Variants in ANXA7 observed in about 807,000 individuals in gnomAD.
ANXA7 encodes the protein annexin A7.
In ANXA7, 55 loss-of-function variants were observed where a neutral mutation model predicts 64.9. That is an observed-to-expected ratio of 0.85 (90% CI 0.68 to 1.06). The LOEUF (loss-of-function observed/expected upper bound fraction) is 1.06, where lower values mean the gene tolerates loss of function less well. Ranked by LOEUF, ANXA7 falls within the 50% of genes least tolerant of loss-of-function variation. The pLI is 0.00. For synonymous variants in ANXA7, 200 were observed against 192.4 expected, an observed-to-expected ratio of 1.04 and a Z score of -0.33; for missense variants, 548 against 582.1, an observed-to-expected ratio of 0.94 and a Z score of 0.60.
intron 5 of ANXA7, among the ~76,000 whole-genome samples, chr10:73,392,316 T>C (rs962889778): frequency 5.9e-5 from 9 of 152,004 alleles, no homozygotes; most frequent in Admixed American, 4.6e-4. Flanking sequence ...TTCCAATCAA[T>C]AGAAAGAGGC....
intron 2 of ANXA7, among the ~76,000 whole-genome samples, chr10:73,399,685 G>A (rs574266718): frequency 2.0e-5 from 3 of 152,112 alleles, no homozygotes; most frequent in South Asian, 4.1e-4. Flanking sequence ...GCTGGGCGTG[G>A]TGGCACGTAC....
Position 73,383,562 on chromosome 10 carries a change from G to A in ANXA7, c.747+15C>T. ...ATAGGACAAAATATTCATAATAAATGACATATAGTAGTACCTGCATTGCTT... is the reference window on the plus strand; with the variant it reads ...ATAGGACAAAATATTCATAATAAATAACATATAGTAGTACCTGCATTGCTT... On this transcript the variant is annotated intron_variant, in intron 8 of 12. Coordinates refer to ENST00000372921, the MANE Select transcript of ANXA7 (RefSeq NM_001156.5). 6.4e-7 allele frequency: 1 copy of A among 1,552,672 alleles called. No individual in the cohort carries two copies.
At chr10:73,410,719 T>C (rs2055825448) in intron 1 of ANXA7, among the ~76,000 whole-genome samples, 1 of 148,920 alleles carries the variant, frequency 6.7e-6, no homozygotes, top group Non-Finnish European at 1.5e-5. Context: ...GAGGCGGAGG[T>C]TGGGGTGAGC....
Position 73,397,229 on chromosome 10 carries a change from A to T in ANXA7, c.305T>A (p.Phe102Tyr). The T allele has an allele frequency of 6.2e-7, 1 of 1,612,744 alleles. No individual in the cohort carries two copies. The highest frequency in any genetic ancestry group is 2.2e-5 in the East Asian group (1 of 44,854). Residue 102 changes from phenylalanine (F) to tyrosine (Y), a missense_variant, in exon 4 of 13, where the codon TTT becomes TAT. Coordinates refer to ENST00000372921, the MANE Select transcript of ANXA7 (RefSeq NM_001156.5). ...GFGVPPGGAG[F>Y]SGYPQPPSQS... ...TGAAGGTGGCTGTGGATACCCAGAA[A>T]AGCCTGCTCCACCTGGTGGGACTCC...
chr10:73,406,156 A>T (rs920535919), intron 1 of ANXA7, among the ~76,000 whole-genome samples: 22 of 152,046 alleles, frequency 1.4e-4, no homozygotes, highest in Admixed American at 1.4e-3. Context: ...GGGTTTCGTC[A>T]TGTTGGCCAG....
intron 1 of ANXA7, among the ~76,000 whole-genome samples, chr10:73,407,656 C>G (rs1284802387): frequency 6.6e-6 from 1 of 152,228 alleles, no homozygotes; most frequent in African/African-American, 2.4e-5. Flanking sequence ...AAACCCAACT[C>G]AAGTCAACAT....
At chr10:73,407,402 C>A (rs1355923007) in intron 1 of ANXA7, among the ~76,000 whole-genome samples, 1 of 152,014 alleles carries the variant, frequency 6.6e-6, no homozygotes, top group Non-Finnish European at 1.5e-5. Context: ...TATATGAATC[C>A]CTAGGGATCG....
rs558758906 is a variant in ANXA7 at position 73,408,449 on chromosome 10, T to C, written c.-2+5563A>G. ...AAATTAATAGTAATTTGAAAGGCAA[T>C]ATGCAGTTACAGTACCAAAGACATC... On this transcript the variant is annotated intron_variant, in intron 1 of 12. Coordinates refer to ENST00000372921, the MANE Select transcript of ANXA7 (RefSeq NM_001156.5). The C allele has an allele frequency of 4.6e-5, 7 of 151,896 alleles. No homozygotes were observed. In the East Asian group the frequency reaches 5.8e-4, roughly 13 times the overall value. The allele number at this position is 151,896 out of a possible 1,614,324, so 9.4% of individuals were successfully genotyped here.
rs1564526498 is a variant in ANXA7, at chr10:73,390,721, A to ATAT, written c.436-2308_436-2307insATA. 5.9e-4 allele frequency among the ~76,000 whole-genome samples: 64 copies of ATAT among 107,724 alleles called. No individual in the cohort carries two copies. In the East Asian group the frequency reaches 7.5e-3, roughly 13 times the overall value. 70.7% of individuals were successfully genotyped at this position (107,724 alleles called of 152,430 possible). On this transcript the variant is annotated intron_variant, in intron 5 of 12. Coordinates refer to ENST00000372921, the MANE Select transcript of ANXA7 (RefSeq NM_001156.5). ...ATATATATATATATATATATATATA[A>ATAT]AAATATATATATACACACACACACA... is the stretch of plus-strand genomic sequence containing the variant.
Position 73,397,207 on chromosome 10 carries a change from A to G in ANXA7, c.327T>C (p.Pro109=). ...GAGFSGYPQP[P]SQSYGGGPAQ... ...CTGGACCACCTCCATAAGACTGTGAAGGTGGCTGTGGATACCCAGAAAAGC... is the reference window on the plus strand; with the variant it reads ...CTGGACCACCTCCATAAGACTGTGAGGGTGGCTGTGGATACCCAGAAAAGC... Residue 109 remains proline, a synonymous_variant, in exon 4 of 13, where the codon CCT becomes CCC. Coordinates refer to ENST00000372921, the MANE Select transcript of ANXA7 (RefSeq NM_001156.5). The G allele has an allele frequency of 6.2e-7, 1 of 1,612,610 alleles. No homozygotes were observed. Among genetic ancestry groups the G allele is most frequent in the Non-Finnish European group, 8.5e-7 (1 of 1,179,124 alleles).
At position 73,380,213 on chromosome 10, in the gene ANXA7, A is replaced by G; in HGVS notation, c.919-12T>C. The G allele has an allele frequency of 1.9e-6, 3 of 1,595,434 alleles. No homozygotes were observed. The highest frequency in any genetic ancestry group is 2.6e-6 in the Non-Finnish European group (3 of 1,174,900). On this transcript the variant is annotated splice_polypyrimidine_tract_variant and intron_variant, in intron 9 of 12. Transcript: ENST00000372921. ...TCATCACGATTTCCCTGCAAAAGAGAAAGGCAGGAATTGGAAGAAATAAAT... is the reference window on the plus strand; with the variant it reads ...TCATCACGATTTCCCTGCAAAAGAGGAAGGCAGGAATTGGAAGAAATAAAT...
At chr10:73,399,311 T>C (rs1278417777) in intron 2 of ANXA7, among the ~76,000 whole-genome samples, 1 of 152,250 alleles carries the variant, frequency 6.6e-6, no homozygotes, top group Non-Finnish European at 1.5e-5. Context: ...GGGAGTTGTC[T>C]GTTTTAGCAA....
chr10:73,410,966 A>G (rs1024644143), intron 1 of ANXA7, among the ~76,000 whole-genome samples: 2 of 152,186 alleles, frequency 1.3e-5, no homozygotes, highest in Non-Finnish European at 2.9e-5. Context: ...AAGGAAAGAA[A>G]GTCATTATAT....
intron 4 of ANXA7, 51 bp downstream of exon 4, chr10:73,397,113 A>C (rs2055587890): frequency 1.9e-6 from 2 of 1,050,576 alleles, no homozygotes; most frequent in Admixed American, 3.1e-5. Flanking sequence ...ATGGTGATTT[A>C]AAAACTCAAA....
intron 12 of ANXA7, among the ~76,000 whole-genome samples, chr10:73,377,773 G>GGGGGGGGGGTGTGTGTGT (rs1554815379): frequency 5.6e-5 from 7 of 124,814 alleles, no homozygotes; most frequent in African/African-American, 2.3e-4. Flanking sequence ...GGTGGGTGTG[G>GGGGGGGGGGTGTGTGTGT]GTGTGTGTGT....
At chr10:73,389,829 T>G (rs947455185) in intron 5 of ANXA7, among the ~76,000 whole-genome samples, 1 of 152,174 alleles carries the variant, frequency 6.6e-6, no homozygotes. Context: ...CTTGCTATGT[T>G]GCCCAGGCTG....
chr10:73,399,642 G>C (rs986909359), intron 2 of ANXA7, among the ~76,000 whole-genome samples: 4 of 151,878 alleles, frequency 2.6e-5, no homozygotes, highest in Admixed American at 1.3e-4. Context: ...CCAACATTGT[G>C]AAACCCCATC....
At chr10:73,399,929 G>A (rs1269277589) in intron 2 of ANXA7, among the ~76,000 whole-genome samples, 1 of 152,072 alleles carries the variant, frequency 6.6e-6, no homozygotes, top group Non-Finnish European at 1.5e-5. Flanking sequence ...ATCATTTGAG[G>A]TCAGGAGTTT....
intron 5 of ANXA7, among the ~76,000 whole-genome samples, chr10:73,391,156 G>A (rs1029150232): frequency 2.7e-5 from 4 of 146,982 alleles, no homozygotes; most frequent in Non-Finnish European, 5.9e-5. Context: ...GCAACAGAGT[G>A]AGACTCTGTC....
Sources: allele counts gnomAD v4.1 joint callset (sites outside exome capture counted in the v4.1 genomes callset), GRCh38; gene constraint gnomAD v4.1.1; transcripts MANE v1.5; gene names NCBI Gene and HGNC (gene_info 2026-07-23, HGNC 2026-07-21).